HNMT: variants seen among roughly 807,000 people sequenced by gnomAD.
The protein encoded by HNMT is histamine N-methyltransferase.
Under a neutral mutation model 32.1 loss-of-function variants are expected in HNMT, and 30 were observed. That is an observed-to-expected ratio of 0.93 (90% CI 0.70 to 1.27). The LOEUF (loss-of-function observed/expected upper bound fraction) is 1.27, where lower values mean the gene tolerates loss of function less well. Among genes scored for constraint, HNMT ranks in the 50% most tolerant of loss-of-function variants. The pLI, the probability that HNMT is intolerant of heterozygous loss-of-function variation, is 0.00. For synonymous variants in HNMT, 125 were observed against 119.0 expected, an observed-to-expected ratio of 1.05 and a Z score of -0.33; for missense variants, 327 against 346.0, an observed-to-expected ratio of 0.95 and a Z score of 0.43.
chr2:137,987,575 G>A (rs1310747463), intron 2 of HNMT, among the ~76,000 whole-genome samples: 1 of 141,596 alleles, frequency 7.1e-6, no homozygotes, highest in Non-Finnish European at 1.5e-5. Context: ...TGCTCTGAAG[G>A]ATTCAGTTAG....
intron 2 of HNMT, among the ~76,000 whole-genome samples, chr2:137,986,125 T>G (rs1680644774): frequency 6.6e-6 from 1 of 151,942 alleles, no homozygotes; most frequent in Non-Finnish European, 1.5e-5. Context: ...TTGAGTTGTT[T>G]TATATATGTT....
chr2:138,012,786 C>T (rs567444615), intron 5 of HNMT, among the ~76,000 whole-genome samples: 3 of 152,060 alleles, frequency 2.0e-5, no homozygotes, highest in African/African-American at 7.2e-5. Context: ...TTTCTTTTTA[C>T]CCATATCCTA....
intron 2 of HNMT, chr2:137,981,427 C>T (rs1553489554): frequency 1.4e-6 from 2 of 1,474,862 alleles, no homozygotes; most frequent in African/African-American, 1.4e-5. Context: ...TTCCATGAAG[C>T]CTACTAGATC....
At chr2:137,982,568 C>T (rs1378449031) in intron 2 of HNMT, among the ~76,000 whole-genome samples, 2 of 152,084 alleles carry the variant, frequency 1.3e-5, no homozygotes, top group Non-Finnish European at 2.9e-5. Flanking sequence ...ATTCAGTTTT[C>T]ATTAACTTCC....
chr2:138,002,796 A>G lies in HNMT; in HGVS notation c.429+602A>G, dbSNP rs184554073. The G allele has an allele frequency of 3.1e-4, 297 of 973,036 alleles. 1 individual carries two copies. The African/African-American group carries it at 4.7e-3, about 16-fold the overall frequency. 60.3% of individuals were successfully genotyped at this position (973,036 alleles called of 1,614,324 possible). ...ATGTTTATATAGAGATTTGAGAATG[A>G]TAGCATCATAACATATTCTCTAGTG... is the stretch of plus-strand genomic sequence containing the variant. On this transcript the variant is annotated intron_variant, in intron 4 of 5. Coordinates refer to ENST00000280097, the MANE Select transcript of HNMT (RefSeq NM_006895.3).
In HNMT at chr2:138,001,257, G is replaced by A. The variant is rs141466513; in HGVS notation, c.298+232G>A. 5.2e-3 allele frequency among the ~76,000 whole-genome samples: 796 copies of A among 152,232 alleles called. 9 individuals carry two copies. The highest frequency in any genetic ancestry group is 0.018 in the African/African-American group (766 of 41,546). ...CATCCATTCCCCAGTTGTCATCAAT[G>A]ATTACCTTTTGATGTTTATGCTTAA... On this transcript the variant is annotated intron_variant, in intron 3 of 5. Transcript: ENST00000280097.
At chr2:137,964,752 TC>T in intron 1 of HNMT, 124 bp downstream of exon 1, 1 of 864,820 alleles carries the variant, frequency 1.2e-6, no homozygotes, top group South Asian at 1.6e-5. Flanking sequence ...TGATAGCAGC[TC>T]CCCGTCGTCC....
At chr2:137,999,660 G>T (rs1327972491) in intron 2 of HNMT, among the ~76,000 whole-genome samples, 1 of 152,084 alleles carries the variant, frequency 6.6e-6, no homozygotes, top group Non-Finnish European at 1.5e-5. Flanking sequence ...TGCTAATCTT[G>T]CCAGGAGGTA....
chr2:137,967,245 T>C (rs1035371166), intron 1 of HNMT: 1 of 634,920 alleles, frequency 1.6e-6, no homozygotes, highest in Non-Finnish European at 2.8e-6. Context: ...ATCCCATCTC[T>C]ACAAAAAAGT....
intron 4 of HNMT, chr2:138,002,885 G>A (rs1573674214): frequency 3.9e-6 from 2 of 509,444 alleles, no homozygotes; most frequent in East Asian, 1.5e-4. Flanking sequence ...TGGTCGAAGG[G>A]GCAGGTTAAA....
intron 5 of HNMT, among the ~76,000 whole-genome samples, chr2:138,010,333 T>C: frequency 6.6e-6 from 1 of 151,920 alleles, no homozygotes; most frequent in East Asian, 1.9e-4. Context: ...AAAGAGAATA[T>C]ATTTCAGCTA....
At chr2:137,999,864 A>G (rs1251823702) in intron 2 of HNMT, among the ~76,000 whole-genome samples, 1 of 152,078 alleles carries the variant, frequency 6.6e-6, no homozygotes, top group South Asian at 2.1e-4. Flanking sequence ...GCATTACTTC[A>G]TTTAACCCTC....
chr2:137,967,410 G>C, intron 1 of HNMT: 1 of 332,180 alleles, frequency 3.0e-6, no homozygotes, highest in South Asian at 1.1e-4. Context: ...TCAAACAAGA[G>C]AAAAAAATAA....
chr2:138,000,836 G>A, intron 2 of HNMT, 82 bp from the exon 3 acceptor site: 2 of 690,064 alleles, frequency 2.9e-6, no homozygotes, highest in Non-Finnish European at 4.9e-6. Context: ...GTAAAGGTAG[G>A]GCAGATAATA....
At chr2:137,981,580 C>A in intron 2 of HNMT, 1 of 556,462 alleles carries the variant, frequency 1.8e-6, no homozygotes, top group Non-Finnish European at 3.2e-6. Flanking sequence ...ATGGTTAGAA[C>A]CTGACATTTA....
At chr2:137,968,810 G>T (rs1680035983) in intron 1 of HNMT, among the ~76,000 whole-genome samples, 1 of 152,132 alleles carries the variant, frequency 6.6e-6, no homozygotes, top group Non-Finnish European at 1.5e-5. Context: ...TTCAATTTTT[G>T]TTCCCATCCT....
chr2:138,006,996 A>G (rs1023944925), intron 5 of HNMT, among the ~76,000 whole-genome samples: 4 of 152,088 alleles, frequency 2.6e-5, no homozygotes, highest in African/African-American at 7.2e-5. Context: ...CACTTTCTCA[A>G]TATGCAGTTA....
intron 5 of HNMT, among the ~76,000 whole-genome samples, chr2:138,005,492 T>G (rs1052948494): frequency 2.0e-5 from 3 of 152,086 alleles, no homozygotes; most frequent in Non-Finnish European, 4.4e-5. Context: ...CCTTTTTATA[T>G]AGCTTAAATT....
rs543417522 is a variant in HNMT, at chr2:137,977,764, A to T, written c.190+7547A>T. ...TTCCCTGAAAGTAATTTGGCATTAT[A>T]TAGCAAGAACAGTTCTGATTTTCAT... On this transcript the variant is annotated intron_variant, in intron 2 of 5. Transcript: ENST00000280097. 8.2e-4 allele frequency among the ~76,000 whole-genome samples: 124 copies of T among 152,064 alleles called. 1 individual carries two copies. The highest frequency in any genetic ancestry group is 2.9e-3 in the African/African-American group (121 of 41,478).
Sources: allele counts gnomAD v4.1 joint callset (sites outside exome capture counted in the v4.1 genomes callset), GRCh38; gene constraint gnomAD v4.1.1; transcripts MANE v1.5; gene names NCBI Gene and HGNC (gene_info 2026-07-23, HGNC 2026-07-21).